ACBD3: variants seen among roughly 807,000 people sequenced by gnomAD.
ACBD3 encodes acyl-CoA binding domain containing 3, also known as Golgi resident protein GCP60.
ACBD3 carries 30 observed loss-of-function variants against 66.9 expected under a neutral mutation model. The ratio of observed to expected loss-of-function variants is 0.45; its 90% CI spans 0.34 to 0.61. The LOEUF is 0.61. ACBD3 is among the 20% of genes least tolerant of loss of function. The probability of loss-of-function intolerance (pLI) is 0.02; values close to 1 mark genes in which losing one functional copy is unlikely to be tolerated. For synonymous variants in ACBD3, 278 were observed against 259.8 expected, an observed-to-expected ratio of 1.07 and a Z score of -0.68; for missense variants, 544 against 664.5, an observed-to-expected ratio of 0.82 and a Z score of 1.99.
intron 3 of ACBD3, 35 bp from the exon 4 acceptor site, chr1:226,161,724 T>C (rs1200927487): frequency 1.3e-6 from 2 of 1,513,350 alleles, no homozygotes; most frequent in Non-Finnish European, 1.8e-6. Context: ...ACCCTATACG[T>C]TGAATCCTGT....
rs754400351 is a variant in ACBD3, at chr1:226,164,905, G to A, written c.453C>T (p.Asn151=). 7 of 1,598,250 alleles carry A rather than the reference G, an allele frequency of 4.4e-6. No individual in the cohort carries two copies. Among genetic ancestry groups the A allele is most frequent in the African/African-American group, 1.3e-5 (1 of 74,596 alleles). ...DRRREWAALG[N]MSKEDAMVEF... ...CCACCATGGCATCCTCTTTAGACATGTTTCCCAGGGCTGCCCATTCTCTCC... is the reference window on the plus strand; with the variant it reads ...CCACCATGGCATCCTCTTTAGACATATTTCCCAGGGCTGCCCATTCTCTCC... Residue 151 remains asparagine, a synonymous_variant, in exon 3 of 8, where the codon AAC becomes AAT. Transcript: ENST00000366812.
intron 1 of ACBD3, among the ~76,000 whole-genome samples, chr1:226,180,137 C>T (rs2102790862): frequency 6.7e-6 from 1 of 149,302 alleles, no homozygotes; most frequent in Non-Finnish European, 1.5e-5. Flanking sequence ...GGCCATTCCA[C>T]TCCAGCCTGG....
chr1:226,158,777 ACCAGC>A (rs1218762149), intron 5 of ACBD3, among the ~76,000 whole-genome samples: 6 of 152,218 alleles, frequency 3.9e-5, no homozygotes, highest in African/African-American at 1.2e-4. Flanking sequence ...GCTCTGCAGA[ACCAGC>A]CCATGGTCTT....
At position 226,145,418 on chromosome 1, in the gene ACBD3, T is replaced by C. The variant is rs1659427789; in HGVS notation, c.*1192A>G. The C allele has an allele frequency of 6.6e-6, 1 of 152,446 alleles. No homozygotes were observed. The allele number at this position is 152,446 out of a possible 1,614,324, so 9.4% of individuals were successfully genotyped here. On this transcript the variant is annotated 3_prime_UTR_variant, in exon 8 of 8. Coordinates refer to ENST00000366812, the MANE Select transcript of ACBD3 (RefSeq NM_022735.4). Reference sequence around the variant, plus strand: ...TGCCATCTTTGTCATTTTCTATCTATACCACTCTCCCTTCTGAAAACAAGA... The same window carrying C: ...TGCCATCTTTGTCATTTTCTATCTACACCACTCTCCCTTCTGAAAACAAGA...
In ACBD3 at chr1:226,159,177, A is replaced by G. The variant is rs759450759; in HGVS notation, c.903+7T>C. The G allele has an allele frequency of 3.7e-6, 6 of 1,614,042 alleles. No individual in the cohort carries two copies. The highest frequency in any genetic ancestry group is 1.3e-5 in the African/African-American group (1 of 75,050). On this transcript the variant is annotated splice_region_variant and intron_variant, in intron 5 of 7. Coordinates refer to ENST00000366812, the MANE Select transcript of ACBD3 (RefSeq NM_022735.4). ...CTAAGGCTGAATTCTAGGGTTGTCT[A>G]TCGTACCTGTTGCTGTGCAAGCTGG...
intron 3 of ACBD3, among the ~76,000 whole-genome samples, chr1:226,163,478 A>T (rs1479674133): frequency 6.6e-6 from 1 of 152,188 alleles, no homozygotes; most frequent in Admixed American, 6.5e-5. Flanking sequence ...TTCTCATAAG[A>T]ATCAAAACCT....
intron 1 of ACBD3, among the ~76,000 whole-genome samples, chr1:226,184,182 G>GCA (rs1558133311): frequency 6.6e-6 from 1 of 152,090 alleles, no homozygotes; most frequent in Non-Finnish European, 1.5e-5. Flanking sequence ...GACAGAGTGA[G>GCA]ACTCTATCTC....
chr1:226,149,779 C>T (rs2102773485), intron 7 of ACBD3, among the ~76,000 whole-genome samples: 1 of 151,656 alleles, frequency 6.6e-6, no homozygotes, highest in Middle Eastern at 3.4e-3. Context: ...TGAGCTCTAG[C>T]AATCCATCCG....
chr1:226,150,839 A>C (rs1659559081), intron 7 of ACBD3, among the ~76,000 whole-genome samples: 1 of 152,202 alleles, frequency 6.6e-6, no homozygotes, highest in Non-Finnish European at 1.5e-5. Flanking sequence ...TAGAATCTGG[A>C]CCTGTGGTAT....
chr1:226,170,120 G>T (rs1194124909), intron 1 of ACBD3, among the ~76,000 whole-genome samples: 8 of 150,268 alleles, frequency 5.3e-5, no homozygotes, highest in Admixed American at 2.0e-4. Flanking sequence ...AGATGTGGTG[G>T]GCCTGAGACT....
chr1:226,173,953 G>A (rs1028319909), intron 1 of ACBD3, among the ~76,000 whole-genome samples: 26 of 151,310 alleles, frequency 1.7e-4, no homozygotes, highest in African/African-American at 5.3e-4. Flanking sequence ...AGTACAGAAG[G>A]GGTTTCACCA....
At chr1:226,167,909 T>G (rs913739004) in intron 1 of ACBD3, among the ~76,000 whole-genome samples, 2 of 152,100 alleles carry the variant, frequency 1.3e-5, no homozygotes, top group Admixed American at 1.3e-4. Flanking sequence ...AACAAAAAAG[T>G]TAGATAACAT....
rs777550181 is a variant in ACBD3, at chr1:226,146,743, C to T, written c.1454G>A (p.Arg485Gln). ...LLDEIVPVYR[R>Q]DCHEEVYAGS... ...AGCATACACCTCCTCATGACAGTCC[C>T]GTCGGTACACAGGCACAATCTCATC... is the stretch of plus-strand genomic sequence containing the variant. The change falls in exon 8 of 8, where the codon CGG (arginine) becomes CAG (glutamine). Residue 485 changes from arginine to glutamine, a missense_variant. By Grantham distance (43) the Arg-to-Gln change is conservative. Around this residue, in one of 3 missense-constraint regions of ACBD3, gnomAD observed 383 missense variants for 462.4 expected, o/e 0.83. Coordinates refer to ENST00000366812, the MANE Select transcript of ACBD3 (RefSeq NM_022735.4). 3.7e-6 allele frequency: 6 copies of T among 1,613,916 alleles called. No homozygotes were observed. The highest frequency in any genetic ancestry group is 1.3e-5 in the African/African-American group (1 of 74,868).
intron 1 of ACBD3, among the ~76,000 whole-genome samples, chr1:226,176,802 A>T (rs1656045539): frequency 6.6e-6 from 1 of 152,218 alleles, no homozygotes; most frequent in African/African-American, 2.4e-5. Flanking sequence ...TCAAATAATC[A>T]GCAAAATTAT....
At position 226,154,702 on chromosome 1, in the gene ACBD3, G is replaced by A. The variant is rs545965641; in HGVS notation, c.1035C>T (p.Ser345=). 29 of 1,613,034 alleles carry A rather than the reference G, an allele frequency of 1.8e-5. No individual in the cohort carries two copies. The highest frequency in any genetic ancestry group is 2.7e-5 in the African/African-American group (2 of 74,924). Residue 345 remains serine, a synonymous_variant, in exon 6 of 8, where the codon TCC becomes TCT. Coordinates refer to ENST00000366812, the MANE Select transcript of ACBD3 (RefSeq NM_022735.4). ...NGQAKTHTDS[S]EKELEPEAAE... ...CAGCTTCTGGTTCCAGTTCTTTTTCGGAGCTGTCAGTGTGTGTTTTGGCCT... is the reference window on the plus strand; with the variant it reads ...CAGCTTCTGGTTCCAGTTCTTTTTCAGAGCTGTCAGTGTGTGTTTTGGCCT...
intron 1 of ACBD3, among the ~76,000 whole-genome samples, chr1:226,171,893 T>A (rs959727269): frequency 6.6e-6 from 1 of 151,770 alleles, no homozygotes; most frequent in African/African-American, 2.4e-5. Context: ...CGGTGGCTCA[T>A]GCCTGTAATC....
intron 1 of ACBD3, among the ~76,000 whole-genome samples, chr1:226,167,013 C>T (rs1331204641): frequency 6.6e-6 from 1 of 151,696 alleles, no homozygotes; most frequent in Non-Finnish European, 1.5e-5. Flanking sequence ...CCAGACTGGT[C>T]TTGAACCCTG....
chr1:226,160,770 C>T (rs1659756434), intron 4 of ACBD3, among the ~76,000 whole-genome samples: 1 of 152,188 alleles, frequency 6.6e-6, no homozygotes, highest in African/African-American at 2.4e-5. Flanking sequence ...TCTTGAAGAA[C>T]CTGTCAGTCT....
chr1:226,185,965 G>A (rs1055760708), intron 1 of ACBD3, among the ~76,000 whole-genome samples: 3 of 152,098 alleles, frequency 2.0e-5, no homozygotes, highest in African/African-American at 7.2e-5. Flanking sequence ...TTCCACTAAG[G>A]GTAAAAATCG....
Sources: gnomAD v4.1 joint callset for allele counts (sites outside exome capture counted in the v4.1 genomes callset) on GRCh38, gnomAD v4.1.1 for gene constraint, gnomAD v4.1.1 regional missense constraint, MANE v1.5 for transcripts, NCBI Gene and HGNC (gene_info 2026-07-23, HGNC 2026-07-21) for gene names.